The following LRRC4C variants were observed in gnomAD, a reference collection of about 807,000 sequenced individuals.
LRRC4C encodes the protein leucine rich repeat containing 4C.
A neutral mutation model predicts 33.6 loss-of-function variants in LRRC4C; 5 were observed. That is an observed-to-expected ratio of 0.15 (90% CI 0.08 to 0.31). The LOEUF (loss-of-function observed/expected upper bound fraction) is 0.31, where lower values mean the gene tolerates loss of function less well. Ranked by LOEUF, LRRC4C falls within the 10% of genes least tolerant of loss-of-function variation. LRRC4C has a pLI of 1.00. For synonymous variants in LRRC4C, 329 were observed against 302.0 expected (o/e 1.09, Z -0.93); for missense variants, 560 against 796.7 (o/e 0.70, Z 3.58).
chr11:40,224,903 A>G (rs1050770852), intron 5 of LRRC4C, among the ~76,000 whole-genome samples: 2 of 152,202 alleles, frequency 1.3e-5, no homozygotes, highest in African/African-American at 4.8e-5. Context: ...CTCTGCTGTC[A>G]GACAGAAATC....
intron 1 of LRRC4C, among the ~76,000 whole-genome samples, chr11:41,181,327 C>G (rs747272031): frequency 3.9e-5 from 6 of 152,070 alleles, no homozygotes; most frequent in Admixed American, 1.3e-4. Flanking sequence ...GAATCTGATG[C>G]ATACTGAAAC....
intron 3 of LRRC4C, among the ~76,000 whole-genome samples, chr11:40,360,597 G>A (rs1441869060): frequency 5.9e-5 from 9 of 152,160 alleles, no homozygotes; most frequent in African/African-American, 2.2e-4. Context: ...ATACGAGGAT[G>A]AAGTCATTCT....
intron 3 of LRRC4C, among the ~76,000 whole-genome samples, chr11:40,389,562 G>A (rs1360302041): frequency 1.3e-5 from 2 of 151,964 alleles, no homozygotes; most frequent in Non-Finnish European, 2.9e-5. Context: ...ATTTGTCCAA[G>A]CTTTCACCTT....
At chr11:40,896,233 G>T (rs942545172) in intron 2 of LRRC4C, among the ~76,000 whole-genome samples, 18 of 152,130 alleles carry the variant, frequency 1.2e-4, no homozygotes, top group African/African-American at 4.1e-4. Flanking sequence ...TAGCTCTATA[G>T]GATGGCAGGA....
chr11:41,434,508 G>A (rs1243514071), intron 1 of LRRC4C, among the ~76,000 whole-genome samples: 1 of 152,042 alleles, frequency 6.6e-6, no homozygotes, highest in African/African-American at 2.4e-5. Context: ...GGTTGTTTAA[G>A]CCCCCATAAT....
intron 1 of LRRC4C, among the ~76,000 whole-genome samples, chr11:41,146,261 C>A (rs773596239): frequency 2.0e-5 from 3 of 152,064 alleles, no homozygotes; most frequent in Non-Finnish European, 4.4e-5. Context: ...TTAATTTGAC[C>A]ACCAAACATA....
intron 1 of LRRC4C, among the ~76,000 whole-genome samples, chr11:41,162,184 G>A (rs184537027): frequency 3.3e-5 from 5 of 152,078 alleles, no homozygotes; most frequent in East Asian, 1.9e-4. Context: ...ATCCAGCATC[G>A]CCTTTGATTG....
chr11:41,237,033 C>T (rs1948054615), intron 1 of LRRC4C, among the ~76,000 whole-genome samples: 1 of 152,210 alleles, frequency 6.6e-6, no homozygotes, highest in South Asian at 2.1e-4. Flanking sequence ...ATAAAAACTA[C>T]AGTGCTTGCT....
At chr11:41,157,830 C>T (rs11036258) in intron 1 of LRRC4C, among the ~76,000 whole-genome samples, 1,825 of 152,010 alleles carry the variant, frequency 0.012, 32 homozygotes, top group African/African-American at 0.04. Context: ...TACAGGCATA[C>T]GATGCAAAAT....
intron 4 of LRRC4C, among the ~76,000 whole-genome samples, chr11:40,260,937 G>A (rs1190575801): frequency 2.0e-5 from 3 of 152,104 alleles, no homozygotes; most frequent in Non-Finnish European, 4.4e-5. Flanking sequence ...CTGGAGTGCA[G>A]CGTTGCAATC....
chr11:40,162,870 T>C (rs574446900), intron 5 of LRRC4C, among the ~76,000 whole-genome samples: 1 of 152,318 alleles, frequency 6.6e-6, no homozygotes, highest in South Asian at 2.1e-4. Context: ...AGCACCTGTT[T>C]AGTGATCATT....
At chr11:40,294,810 A>G (rs1944427206) in intron 4 of LRRC4C, among the ~76,000 whole-genome samples, 1 of 152,088 alleles carries the variant, frequency 6.6e-6, no homozygotes, top group Non-Finnish European at 1.5e-5. Flanking sequence ...CTGGGAGACA[A>G]GAGCAAGACT....
At chr11:40,345,147 G>A (rs1947064794) in intron 3 of LRRC4C, among the ~76,000 whole-genome samples, 1 of 152,002 alleles carries the variant, frequency 6.6e-6, no homozygotes, top group Admixed American at 6.6e-5. Flanking sequence ...TAGATTCAAT[G>A]CCATGCTATC....
chr11:40,627,277 G>GAGAA (rs1491465290), intron 3 of LRRC4C, among the ~76,000 whole-genome samples: 1 of 35,942 alleles, frequency 2.8e-5, no homozygotes, highest in African/African-American at 1.4e-4. Flanking sequence ...GAGAGAGAGC[G>GAGAA]AGAGAGAGAG....
chr11:41,105,984 C>T (rs527907255), intron 1 of LRRC4C, among the ~76,000 whole-genome samples: 109 of 152,144 alleles, frequency 7.2e-4, no homozygotes, highest in African/African-American at 2.5e-3. Context: ...TTTGTACCTA[C>T]TCAGGTGTAA....
chr11:41,183,849 AG>A (rs1391608889), intron 1 of LRRC4C, among the ~76,000 whole-genome samples: 1 of 152,158 alleles, frequency 6.6e-6, no homozygotes, highest in Non-Finnish European at 1.5e-5. Context: ...CTGGACATCC[AG>A]GCATTTCCAT....
intron 1 of LRRC4C, among the ~76,000 whole-genome samples, chr11:40,952,775 T>A: frequency 6.6e-6 from 1 of 151,630 alleles, no homozygotes; most frequent in East Asian, 1.9e-4. Flanking sequence ...TTCTTGTACT[T>A]GTGAATCACT....
intron 2 of LRRC4C, among the ~76,000 whole-genome samples, chr11:40,843,823 A>G (rs1293288497): frequency 1.3e-5 from 2 of 152,198 alleles, no homozygotes; most frequent in African/African-American, 4.8e-5. Context: ...GTTAAATATT[A>G]GTGTCTTCAT....
chr11:40,538,115 G>A (rs773392469), intron 3 of LRRC4C, among the ~76,000 whole-genome samples: 15 of 152,132 alleles, frequency 9.9e-5, no homozygotes, highest in Admixed American at 9.8e-4. Context: ...CAAGTTCCCA[G>A]ATATATTGAT....
Sources: gnomAD v4.1 joint callset for allele counts (sites outside exome capture counted in the v4.1 genomes callset) on GRCh38, gnomAD v4.1.1 for gene constraint, MANE v1.5 for transcripts, NCBI Gene and HGNC (gene_info 2026-07-23, HGNC 2026-07-21) for gene names.